The following STOM variants were observed in gnomAD, a reference collection of about 807,000 sequenced individuals.
The protein encoded by STOM is stomatin.
In STOM, 25 loss-of-function variants were observed where a neutral mutation model predicts 30.6. That is an observed-to-expected ratio of 0.82 (90% CI 0.60 to 1.14). The LOEUF (loss-of-function observed/expected upper bound fraction) is 1.14, where lower values mean the gene tolerates loss of function less well. Ranked by LOEUF, STOM falls within the 50% of genes most tolerant of loss-of-function variation. The probability of loss-of-function intolerance (pLI) is 0.00; values close to 1 mark genes in which losing one functional copy is unlikely to be tolerated. For missense variants in STOM, 292 were observed against 365.2 expected (o/e 0.80, Z 1.63); for synonymous variants, 118 against 130.8 (o/e 0.90, Z 0.67).
At chr9:121,341,576 T>G (rs980743013) in intron 6 of STOM, among the ~76,000 whole-genome samples, 168 bp from the exon 7 acceptor site, 6 of 152,234 alleles carry the variant, frequency 3.9e-5, no homozygotes, top group Non-Finnish European at 5.9e-5. Context: ...TCCATATGCT[T>G]CTTTTTCTGA....
At position 121,353,816 on chromosome 9, in the gene STOM, G is replaced by A. The variant is rs769488080; in HGVS notation, c.239-514C>T. ...TTGCTTTGTGTATGTTGCTATTTCC[G>A]CCGCAAACACCTCCTGTTGGTTAAC... On this transcript the variant is annotated intron_variant, in intron 3 of 6. Transcript: ENST00000286713. Among the ~76,000 whole-genome samples the A allele has an allele frequency of 3.3e-5, 5 of 152,006 alleles. 1 individual carries two copies. Among genetic ancestry groups the A allele is most frequent in the Admixed American group, 3.3e-4 (5 of 15,258 alleles).
At chr9:121,351,457 G>A (rs1329922873) in intron 4 of STOM, among the ~76,000 whole-genome samples, 2 of 152,230 alleles carry the variant, frequency 1.3e-5, no homozygotes, top group Non-Finnish European at 2.9e-5. Flanking sequence ...TGTGACATGA[G>A]AAGGCAACAT....
chr9:121,353,959 T>C (rs2064362529), intron 3 of STOM, among the ~76,000 whole-genome samples: 1 of 152,206 alleles, frequency 6.6e-6, no homozygotes, highest in Non-Finnish European at 1.5e-5. Flanking sequence ...CAGCTCTCTG[T>C]GAGTACTTGA....
At position 121,341,245 on chromosome 9, in the gene STOM, A is replaced by G. The variant is rs41273438; in HGVS notation, c.824T>C (p.Met275Thr). The G allele has an allele frequency of 0.036, 57,812 of 1,614,140 alleles. 1,249 individuals are homozygous for G. Among genetic ancestry groups the G allele is most frequent in the South Asian group, 0.044 (4,035 of 91,080 alleles). ...TTTTGCCCCTATGATTCCTTGCAGC[A>G]TATCTATGGGCAGAGGGAAGACAAT... ...STIVFPLPID[M>T]LQGIIGAKHS... The change falls in exon 7 of 7, where the codon ATG becomes ACG. Residue 275 changes from methionine to threonine, a missense_variant. Transcript: ENST00000286713.
chr9:121,351,335 G>A (rs116457860), intron 4 of STOM, among the ~76,000 whole-genome samples: 1,863 of 152,336 alleles, frequency 0.012, 36 homozygotes, highest in African/African-American at 0.042. Flanking sequence ...TGAGTAAAAT[G>A]TGGGCAAAAT....
intron 1 of STOM, among the ~76,000 whole-genome samples, chr9:121,368,901 C>T (rs931260885): frequency 1.3e-5 from 2 of 148,664 alleles, no homozygotes; most frequent in African/African-American, 2.5e-5. Context: ...GATCACACTC[C>T]AGCCTGGGCA....
At chr9:121,362,190 T>C (rs1388627678) in intron 1 of STOM, among the ~76,000 whole-genome samples, 1 of 152,200 alleles carries the variant, frequency 6.6e-6, no homozygotes, top group Non-Finnish European at 1.5e-5. Flanking sequence ...TTTTCTAAAA[T>C]TGCTTTTTTA....
rs2064369951 is a variant in STOM at position 121,354,784 on chromosome 9, T to A, written c.166-111A>T. The A allele has an allele frequency of 1.1e-5, 8 of 704,280 alleles. No homozygotes were observed. The East Asian group carries it at 2.3e-4, about 21-fold the overall frequency. 43.6% of individuals were successfully genotyped at this position (704,280 alleles called of 1,614,324 possible). On this transcript the variant is annotated intron_variant, in intron 2 of 6. Coordinates refer to ENST00000286713, the MANE Select transcript of STOM (RefSeq NM_004099.6). Reference sequence around the variant, plus strand: ...AACAGATTAGATGCCTCATCTTTTTTCTTTAGAACCAGATCATATCTATAA... The same window carrying A: ...AACAGATTAGATGCCTCATCTTTTTACTTTAGAACCAGATCATATCTATAA...
Position 121,340,939 on chromosome 9 carries a change from A to C in STOM, c.*263T>G, listed in dbSNP as rs2064240661. Reference sequence around the variant, plus strand: ...TCAGAATGAGTCAGTGGAAGTCAAAACAAGAGGGATCTAACCTACTACATA... The same window carrying C: ...TCAGAATGAGTCAGTGGAAGTCAAACCAAGAGGGATCTAACCTACTACATA... On this transcript the variant is annotated 3_prime_UTR_variant, in exon 7 of 7. Coordinates refer to ENST00000286713, the MANE Select transcript of STOM (RefSeq NM_004099.6). The C allele has an allele frequency of 8.6e-6, 11 of 1,272,512 alleles. No individual in the cohort carries two copies. The highest frequency in any genetic ancestry group is 1.0e-5 in the Non-Finnish European group (10 of 999,216). 78.8% of individuals were successfully genotyped at this position (1,272,512 alleles called of 1,614,324 possible). A position where few individuals can be genotyped will look rare whatever the true frequency, so the allele number is the denominator to read the frequency against.
chr9:121,345,022 C>G (rs902324030), intron 6 of STOM, among the ~76,000 whole-genome samples: 1 of 152,144 alleles, frequency 6.6e-6, no homozygotes, highest in Admixed American at 6.5e-5. Context: ...TACATTCATT[C>G]TCTTTGCTAT....
chr9:121,369,697 G>A (rs1296345933), intron 1 of STOM, among the ~76,000 whole-genome samples: 3 of 150,446 alleles, frequency 2.0e-5, no homozygotes, highest in African/African-American at 7.5e-5. Flanking sequence ...CTGGGGCCAG[G>A]CCAGGGCTGG....
At chr9:121,353,880 C>A (rs1282518478) in intron 3 of STOM, among the ~76,000 whole-genome samples, 1 of 152,212 alleles carries the variant, frequency 6.6e-6, no homozygotes, top group Non-Finnish European at 1.5e-5. Context: ...GATGTAACTT[C>A]CAGAAAGCCT....
chr9:121,355,111 T>G (rs1280403874), intron 2 of STOM, among the ~76,000 whole-genome samples: 2 of 150,986 alleles, frequency 1.3e-5, no homozygotes, highest in Non-Finnish European at 2.9e-5. Flanking sequence ...ATACAAAAAT[T>G]ATCCGGGTAT....
intron 4 of STOM, among the ~76,000 whole-genome samples, chr9:121,352,165 C>A (rs964687234): frequency 6.6e-6 from 1 of 152,158 alleles, no homozygotes; most frequent in African/African-American, 2.4e-5. Flanking sequence ...TATACAGTGG[C>A]ACAATATTTG....
Position 121,354,680 on chromosome 9 carries a change from TA to T in STOM, c.166-8del. On this transcript the variant is annotated splice_polypyrimidine_tract_variant and splice_region_variant and intron_variant, in intron 2 of 6. Coordinates refer to ENST00000286713, the MANE Select transcript of STOM (RefSeq NM_004099.6). ...TTTCATACTCTTTTATAATCTAGAA[TA>T]AAAACATGAATAATAATTTAACATG... 2 of 1,585,312 alleles carry T rather than the reference TA, an allele frequency of 1.3e-6. No individual in the cohort carries two copies. Among genetic ancestry groups the T allele is most frequent in the Non-Finnish European group, 1.7e-6 (2 of 1,161,038 alleles).
At chr9:121,348,223 G>C in intron 5 of STOM, 74 bp from the exon 6 acceptor site, 1 of 1,599,502 alleles carries the variant, frequency 6.3e-7, no homozygotes, top group Non-Finnish European at 8.5e-7. Flanking sequence ...TATTCATTGG[G>C]ATTTGGAGGA....
At chr9:121,369,602 G>A (rs1162950391) in intron 1 of STOM, among the ~76,000 whole-genome samples, 1 of 151,990 alleles carries the variant, frequency 6.6e-6, no homozygotes, top group Admixed American at 6.5e-5. Flanking sequence ...AGAAAGAGAG[G>A]TAAGAAGAAA....
At position 121,369,233 on chromosome 9, in the gene STOM, G is replaced by A. The variant is rs10985223; in HGVS notation, c.61+894C>T. On this transcript the variant is annotated intron_variant, in intron 1 of 6. Coordinates refer to ENST00000286713, the MANE Select transcript of STOM (RefSeq NM_004099.6). ...AGATGACTCCAATGTCATGTTCTTTGAGGGGTCCTGGAAAGGACCACCCAG... is the reference window on the plus strand; with the variant it reads ...AGATGACTCCAATGTCATGTTCTTTAAGGGGTCCTGGAAAGGACCACCCAG... Among the ~76,000 whole-genome samples, 202 of 152,268 alleles carry A rather than the reference G, an allele frequency of 1.3e-3. 3 individuals carry two copies. The East Asian group carries it at 0.033, about 25-fold the overall frequency.
intron 4 of STOM, among the ~76,000 whole-genome samples, 194 bp from the exon 5 acceptor site, chr9:121,349,517 A>T (rs913278780): frequency 6.6e-6 from 1 of 152,238 alleles, no homozygotes; most frequent in Non-Finnish European, 1.5e-5. Flanking sequence ...TCATACAAAT[A>T]ATATTGAGAT....
Sources: gnomAD v4.1 joint callset for allele counts (sites outside exome capture counted in the v4.1 genomes callset) on GRCh38, gnomAD v4.1.1 for gene constraint, MANE v1.5 for transcripts, NCBI Gene and HGNC (gene_info 2026-07-23, HGNC 2026-07-21) for gene names.